Variants in ALPK2 observed in about 807,000 individuals in gnomAD.
ALPK2 encodes the protein alpha-protein kinase 2.
ALPK2 carries 127 observed loss-of-function variants against 163.1 expected under a neutral mutation model. The ratio of observed to expected loss-of-function variants is 0.78; its 90% CI spans 0.67 to 0.90. The LOEUF is 0.90. ALPK2 is among the 40% of genes least tolerant of loss of function. The pLI is 0.00. For synonymous variants in ALPK2, 953 were observed against 959.1 expected (o/e 0.99, Z 0.12); for missense variants, 2,360 against 2,589.6 (o/e 0.91, Z 1.92).
intron 8 of ALPK2, among the ~76,000 whole-genome samples, chr18:58,520,428 CAAAAAA>C (rs61028795): frequency 1.6e-5 from 1 of 64,386 alleles, no homozygotes; most frequent in Non-Finnish European, 2.5e-5. Context: ...GACTCCGTCT[CAAAAAA>C]AAAAAAAAAA....
intron 1 of ALPK2, among the ~76,000 whole-genome samples, chr18:58,615,154 A>G (rs1453717383): frequency 6.6e-6 from 1 of 152,050 alleles, no homozygotes; most frequent in Non-Finnish European, 1.5e-5. Context: ...TTCACTTAAC[A>G]CAATGTTTTT....
At chr18:58,588,127 T>C (rs1375156973) in intron 3 of ALPK2, among the ~76,000 whole-genome samples, 2 of 152,246 alleles carry the variant, frequency 1.3e-5, no homozygotes, top group African/African-American at 4.8e-5. Flanking sequence ...GCTGTGTGTA[T>C]ATTTCCCATT....
intron 4 of ALPK2, among the ~76,000 whole-genome samples, chr18:58,554,481 C>T (rs150590942): frequency 6.6e-6 from 1 of 152,352 alleles, no homozygotes; most frequent in Non-Finnish European, 1.5e-5. Context: ...ATAAGACAGA[C>T]AGTAGCATCG....
chr18:58,550,322 C>A (rs1375189744), intron 4 of ALPK2, among the ~76,000 whole-genome samples: 2 of 151,124 alleles, frequency 1.3e-5, no homozygotes, highest in Middle Eastern at 3.4e-3. Context: ...TCACGTAAAA[C>A]CCTATCCCTG....
At position 58,514,990 on chromosome 18, in the gene ALPK2, T is replaced by TA. The variant is rs1399491921; in HGVS notation, c.6029+2dup. On this transcript the variant is annotated splice_region_variant and intron_variant, in intron 10 of 12. Coordinates refer to ENST00000361673, the MANE Select transcript of ALPK2 (RefSeq NM_052947.4). ...TGACACAAGGCAGGGTAAACACACT[T>TA]ACTCAGGTACTTCTCCAAAGCCTTC... 6 of 1,610,356 alleles carry TA rather than the reference T, an allele frequency of 3.7e-6. No homozygotes were observed. The highest frequency in any genetic ancestry group is 5.1e-6 in the Non-Finnish European group (6 of 1,178,054).
chr18:58,525,872 G>A (rs1165568315), intron 6 of ALPK2, among the ~76,000 whole-genome samples: 1 of 147,524 alleles, frequency 6.8e-6, no homozygotes, highest in Non-Finnish European at 1.5e-5. Context: ...CTTTCTCCAT[G>A]ATACAAAACT....
rs530701876 is a variant in ALPK2, at chr18:58,517,160, G to A, written c.5688C>T (p.Ser1896=). ...DTKGCEEIEF[S]QLIFKEDFLH... is the part of the protein sequence containing the mutation. ...GGAAGTCTTCTTTGAAGATGAGTTG[G>A]CTGAATTCAATCTCTTCACATCCTG... is the stretch of plus-strand genomic sequence containing the variant. The change falls in exon 9 of 13, where the codon AGC becomes AGT. Residue 1896 remains serine (S), a synonymous_variant. Transcript: ENST00000361673. 4.3e-6 allele frequency: 7 copies of A among 1,614,030 alleles called. No homozygotes were observed. The South Asian group carries it at 6.6e-5, about 15-fold the overall frequency.
Position 58,585,871 on chromosome 18 carries a change from A to T in ALPK2, c.228-5323T>A, listed in dbSNP as rs1319940987. On this transcript the variant is annotated intron_variant, in intron 3 of 12. Coordinates refer to ENST00000361673, the MANE Select transcript of ALPK2 (RefSeq NM_052947.4). ...GCTAATTTTTGTATTTTTAGTAGAG[A>T]CGGGATTTCACCATGTTGGCCAGGC... 2.6e-5 allele frequency among the ~76,000 whole-genome samples: 4 copies of T among 152,006 alleles called. No individual in the cohort carries two copies. In the East Asian group the frequency reaches 7.7e-4, roughly 29 times the overall value.
intron 4 of ALPK2, among the ~76,000 whole-genome samples, chr18:58,567,168 C>T (rs1000448306): frequency 6.6e-6 from 1 of 151,808 alleles, no homozygotes; most frequent in African/African-American, 2.4e-5. Context: ...GGCAGATCAC[C>T]TGAGGTCAGG....
intron 3 of ALPK2, among the ~76,000 whole-genome samples, chr18:58,605,136 T>G (rs2052091087): frequency 6.6e-6 from 1 of 152,200 alleles, no homozygotes; most frequent in South Asian, 2.1e-4. Context: ...AAGTTCAGTG[T>G]GTAGATCCTC....
chr18:58,505,844 C>G (rs913699115), intron 10 of ALPK2, among the ~76,000 whole-genome samples: 1 of 151,880 alleles, frequency 6.6e-6, no homozygotes, highest in Non-Finnish European at 1.5e-5. Context: ...CCCCTTTGCT[C>G]TCAGCAGCTC....
chr18:58,538,301 G>A, intron 4 of ALPK2, 77 bp from the exon 5 acceptor site: 3 of 1,281,134 alleles, frequency 2.3e-6, no homozygotes, highest in South Asian at 2.8e-5. Flanking sequence ...AATCCCAAGA[G>A]TGTTAATCCT....
chr18:58,518,262 A>G (rs987996607), intron 8 of ALPK2, among the ~76,000 whole-genome samples: 1 of 152,212 alleles, frequency 6.6e-6, no homozygotes, highest in Non-Finnish European at 1.5e-5. Flanking sequence ...ATACGATTTG[A>G]GACTGATGGT....
intron 9 of ALPK2, among the ~76,000 whole-genome samples, chr18:58,516,131 G>T (rs914499466): frequency 1.3e-5 from 2 of 151,878 alleles, no homozygotes; most frequent in African/African-American, 4.8e-5. Flanking sequence ...AGGCAGGAGG[G>T]TTGCTTAAGG....
intron 3 of ALPK2, among the ~76,000 whole-genome samples, chr18:58,584,767 G>T (rs1244813661): frequency 1.3e-5 from 2 of 152,228 alleles, no homozygotes; most frequent in Non-Finnish European, 2.9e-5. Context: ...GATCAGGTCT[G>T]TGCTAAGGTG....
chr18:58,486,165 T>C (rs2051337914), intron 12 of ALPK2, among the ~76,000 whole-genome samples: 1 of 152,194 alleles, frequency 6.6e-6, no homozygotes, highest in Non-Finnish European at 1.5e-5. Context: ...TCTGCCTCCT[T>C]CTCCACCTCC....
chr18:58,625,053 G>C (rs975584418), intron 1 of ALPK2, among the ~76,000 whole-genome samples: 2 of 151,944 alleles, frequency 1.3e-5, no homozygotes, highest in Non-Finnish European at 2.9e-5. Flanking sequence ...CATGTTTTTA[G>C]TTTGCTTTTC....
chr18:58,557,720 T>TA (rs772788913), intron 4 of ALPK2, among the ~76,000 whole-genome samples: 20,570 of 73,338 alleles, frequency 0.28, 1,650 homozygotes, highest in African/African-American at 0.4. Context: ...TGTCATTGGA[T>TA]TGTATTTATA....
rs556531278 is a variant in ALPK2 at position 58,573,648 on chromosome 18, G to C, written c.1962+5166C>G. 2.3e-4 allele frequency among the ~76,000 whole-genome samples: 7 copies of C among 30,052 alleles called. No homozygotes were observed. In the South Asian group the frequency reaches 8.6e-3, roughly 37 times the overall value. 19.7% of individuals were successfully genotyped at this position (30,052 alleles called of 152,430 possible). On this transcript the variant is annotated intron_variant, in intron 4 of 12. Transcript: ENST00000361673. The stretch of plus-strand genomic sequence containing the variant: ...TTTTTTTTTTTTTTTAGTATTTATT[G>C]ATCATTCTTGGGTGTTTCTCAGAGA...
Sources: gnomAD v4.1 joint callset for allele counts (sites outside exome capture counted in the v4.1 genomes callset) on GRCh38, gnomAD v4.1.1 for gene constraint, MANE v1.5 for transcripts, NCBI Gene and HGNC (gene_info 2026-07-23, HGNC 2026-07-21) for gene names.